The following KPNA7 variants were observed in gnomAD, a reference collection of about 807,000 sequenced individuals.
KPNA7 encodes the protein importin subunit alpha-8.
KPNA7 carries 54 observed loss-of-function variants against 53.7 expected under a neutral mutation model. The observed-to-expected ratio is 1.01, with a 90% confidence interval of 0.81 to 1.26. KPNA7 has a LOEUF of 1.26. Ranked by LOEUF, KPNA7 falls within the 50% of genes most tolerant of loss-of-function variation. KPNA7 has a pLI of 0.00. For missense variants in KPNA7, 640 were observed against 644.5 expected (o/e 0.99, Z 0.07); for synonymous variants, 276 against 259.3 (o/e 1.06, Z -0.62).
rs1006156146 is a variant in KPNA7, at chr7:99,173,928, G to A, written c.1465-134C>T. On this transcript the variant is annotated intron_variant, in intron 10 of 10. Coordinates refer to ENST00000327442, the MANE Select transcript of KPNA7 (RefSeq NM_001145715.3). ...AAGCAGGTAGCTTAGTAGCAATTAA[G>A]TACATTCGCATTGTTGCGCAACCAT... is the stretch of plus-strand genomic sequence containing the variant. The A allele has an allele frequency of 2.2e-5, 13 of 599,886 alleles. No homozygotes were observed. In the Admixed American group the frequency reaches 2.5e-4, roughly 11 times the overall value. The allele number at this position is 599,886 out of a possible 1,614,324, so 37.2% of individuals were successfully genotyped here. A position where few individuals can be genotyped will look rare whatever the true frequency, so the allele number is the denominator to read the frequency against.
At chr7:99,217,104 G>A (rs1791237015) in intron 1 of KPNA7, among the ~76,000 whole-genome samples, 4 of 152,150 alleles carry the variant, frequency 2.6e-5, no homozygotes, top group Admixed American at 2.6e-4. Flanking sequence ...GGATTTCAAA[G>A]TAACACATAG....
chr7:99,148,180 C>T, the KPNA7 span, among the ~76,000 whole-genome samples: 8 of 152,292 alleles, frequency 5.3e-5, no homozygotes, highest in Admixed American at 3.9e-4. Context: ...CTGGAACAAA[C>T]AGATGCAAAA....
intron 3 of KPNA7, among the ~76,000 whole-genome samples, chr7:99,199,099 G>GAA (rs1790381531): frequency 9.4e-6 from 1 of 105,968 alleles, no homozygotes; most frequent in African/African-American, 4.1e-5. Context: ...GGACTGAAAT[G>GAA]AAAAGGTATC....
upstream of KPNA7, among the ~76,000 whole-genome samples, chr7:99,209,226 G>A (rs943726622): frequency 2.0e-5 from 3 of 152,040 alleles, no homozygotes; most frequent in Non-Finnish European, 4.4e-5. Flanking sequence ...ACAGGGTGGT[G>A]AGGAGACCCG....
At chr7:99,153,835 T>A in the KPNA7 span, among the ~76,000 whole-genome samples, 1 of 151,646 alleles carries the variant, frequency 6.6e-6, no homozygotes. Flanking sequence ...ATCAGCCAGG[T>A]GTGGTGGCTC....
At chr7:99,159,007 G>A in the KPNA7 span, among the ~76,000 whole-genome samples, 1 of 151,968 alleles carries the variant, frequency 6.6e-6, no homozygotes, top group East Asian at 1.9e-4. Flanking sequence ...TGGGACTACA[G>A]GTGCACACCA....
upstream of KPNA7, among the ~76,000 whole-genome samples, chr7:99,213,114 G>T (rs1256335053): frequency 1.3e-5 from 2 of 150,522 alleles, no homozygotes; most frequent in Non-Finnish European, 2.9e-5. Context: ...TATTTAAGGA[G>T]CAATGGCCAA....
chr7:99,218,570 CG>C (rs767821971), intron 1 of KPNA7, among the ~76,000 whole-genome samples: 1 of 152,184 alleles, frequency 6.6e-6, no homozygotes, highest in Non-Finnish European at 1.5e-5. Context: ...CGCAAGCCCG[CG>C]TCTGGGCTCT....
At chr7:99,195,382 G>C in intron 4 of KPNA7, 44 bp from the exon 5 acceptor site, 1 of 1,533,988 alleles carries the variant, frequency 6.5e-7, no homozygotes, top group Non-Finnish European at 8.8e-7. Context: ...GGTCAAGTGA[G>C]AGAGGTATTA....
chr7:99,197,309 A>T (rs920563591), intron 3 of KPNA7, among the ~76,000 whole-genome samples: 4 of 152,228 alleles, frequency 2.6e-5, no homozygotes, highest in African/African-American at 7.2e-5. Flanking sequence ...TACAGATTTT[A>T]GATAATTAGC....
chr7:99,180,173 G>A (rs1159668938), intron 9 of KPNA7, among the ~76,000 whole-genome samples: 1 of 152,186 alleles, frequency 6.6e-6, no homozygotes, highest in African/African-American at 2.4e-5. Flanking sequence ...ATGTGTCCAA[G>A]TGACTTCCCG....
chr7:99,165,766 A>G, the KPNA7 span, among the ~76,000 whole-genome samples: 1 of 152,134 alleles, frequency 6.6e-6, no homozygotes, highest in African/African-American at 2.4e-5. Context: ...GAGTCTTGCT[A>G]TGTTGTCCAG....
chr7:99,161,222 A>ACTCTCTCTCTCTCT, the KPNA7 span, among the ~76,000 whole-genome samples: 13 of 147,842 alleles, frequency 8.8e-5, no homozygotes, highest in African/African-American at 2.6e-4. Flanking sequence ...ATGTACACAA[A>ACTCTCTCTCTCTCT]CTCTCTCTCT....
At chr7:99,191,380 T>C (rs1789946043) in intron 6 of KPNA7, among the ~76,000 whole-genome samples, 1 of 152,166 alleles carries the variant, frequency 6.6e-6, no homozygotes, top group Non-Finnish European at 1.5e-5. Context: ...GGTCTTGATC[T>C]CTTGACCTCG....
intron 10 of KPNA7, among the ~76,000 whole-genome samples, chr7:99,176,342 T>C (rs898449044): frequency 6.7e-6 from 1 of 149,636 alleles, no homozygotes; most frequent in Admixed American, 6.7e-5. Flanking sequence ...AAGAAAAATT[T>C]CTGATATAAG....
chr7:99,150,255 C>A, the KPNA7 span, among the ~76,000 whole-genome samples: 1 of 152,024 alleles, frequency 6.6e-6, no homozygotes. Flanking sequence ...GCCACCAAAC[C>A]TGGCTAATTT....
intron 9 of KPNA7, among the ~76,000 whole-genome samples, chr7:99,179,413 G>A (rs576049100): frequency 2.6e-3 from 397 of 151,922 alleles, no homozygotes; most frequent in African/African-American, 8.5e-3. Flanking sequence ...AAAATTAGCT[G>A]GGTGTGGTAG....
chr7:99,149,284 T>A, the KPNA7 span, among the ~76,000 whole-genome samples: 4 of 152,034 alleles, frequency 2.6e-5, no homozygotes, highest in African/African-American at 9.7e-5. Flanking sequence ...TCCAGGACAA[T>A]AACAACCCTT....
downstream of KPNA7, among the ~76,000 whole-genome samples, chr7:99,171,948 G>C (rs1458616247): frequency 6.6e-6 from 1 of 152,174 alleles, no homozygotes; most frequent in Non-Finnish European, 1.5e-5. Context: ...TGGATGACAA[G>C]CATGTTGGTA....
Sources: gnomAD v4.1 joint callset for allele counts (sites outside exome capture counted in the v4.1 genomes callset) on GRCh38, gnomAD v4.1.1 for gene constraint, MANE v1.5 for transcripts, NCBI Gene and HGNC (gene_info 2026-07-23, HGNC 2026-07-21) for gene names.